Variants in SMYD3 observed in about 807,000 individuals in gnomAD.
SMYD3 encodes the protein SET and MYND domain containing 3.
In SMYD3, 36 loss-of-function variants were observed where a neutral mutation model predicts 57.7. The observed-to-expected ratio is 0.62, with a 90% CI of 0.48 to 0.82. The LOEUF (loss-of-function observed/expected upper bound fraction) is 0.82, where lower values mean the gene tolerates loss of function less well. Ranked by LOEUF, SMYD3 falls within the 40% of genes least tolerant of loss-of-function variation. The probability of loss-of-function intolerance (pLI) is 0.00; values close to 1 mark genes in which losing one functional copy is unlikely to be tolerated. For synonymous variants in SMYD3, 211 were observed against 195.0 expected (o/e 1.08, Z -0.68); for missense variants, 515 against 538.8 (o/e 0.96, Z 0.44).
chr1:245,928,151 A>G, intron 6 of SMYD3, 118 bp from the exon 7 acceptor site: 1 of 670,942 alleles, frequency 1.5e-6, no homozygotes, highest in Non-Finnish European at 2.6e-6. Flanking sequence ...TAGGGTTGAC[A>G]GGATGCCAGG....
At chr1:246,228,101 T>C (rs146801086) in intron 5 of SMYD3, among the ~76,000 whole-genome samples, 2,062 of 151,844 alleles carry the variant, frequency 0.014, 43 homozygotes, top group African/African-American at 0.046. Context: ...TCCCGAGTAG[T>C]TGGGATTACA....
chr1:245,972,572 T>C (rs1292032116), intron 5 of SMYD3, among the ~76,000 whole-genome samples: 1 of 152,362 alleles, frequency 6.6e-6, no homozygotes, highest in South Asian at 2.1e-4. Flanking sequence ...TGTTCTCCCT[T>C]GCTCCCAGGG....
chr1:245,983,131 C>T (rs142856861), intron 5 of SMYD3, among the ~76,000 whole-genome samples: 230 of 152,314 alleles, frequency 1.5e-3, no homozygotes, highest in Non-Finnish European at 3.0e-3. Context: ...TGAAGGTCTT[C>T]ACAGAGACAA....
At chr1:246,505,778 C>A (rs1435050930) in intron 1 of SMYD3, among the ~76,000 whole-genome samples, 1 of 152,182 alleles carries the variant, frequency 6.6e-6, no homozygotes, top group Non-Finnish European at 1.5e-5. Context: ...TGCACAATTC[C>A]GTGTGTCACA....
At chr1:245,947,163 C>T (rs536597839) in intron 5 of SMYD3, among the ~76,000 whole-genome samples, 1 of 152,138 alleles carries the variant, frequency 6.6e-6, no homozygotes, top group African/African-American at 2.4e-5. Context: ...TTCCACTCTC[C>T]CATTGTCTAA....
At chr1:246,293,617 A>G (rs144822878) in intron 5 of SMYD3, among the ~76,000 whole-genome samples, 1 of 152,318 alleles carries the variant, frequency 6.6e-6, no homozygotes, top group Non-Finnish European at 1.5e-5. Context: ...CGACAGTCTC[A>G]GAAGAAGAGC....
chr1:245,922,273 G>C (rs1255337707), intron 7 of SMYD3, among the ~76,000 whole-genome samples: 2 of 152,192 alleles, frequency 1.3e-5, no homozygotes, highest in African/African-American at 4.8e-5. Flanking sequence ...GCTCATTTCA[G>C]ACTTAAAGGT....
At chr1:246,239,588 T>C (rs1178733205) in intron 5 of SMYD3, among the ~76,000 whole-genome samples, 1 of 152,226 alleles carries the variant, frequency 6.6e-6, no homozygotes, top group Non-Finnish European at 1.5e-5. Context: ...TGATTTATAC[T>C]CCTTTGGGTA....
intron 5 of SMYD3, among the ~76,000 whole-genome samples, chr1:246,295,111 A>C (rs1276059226): frequency 1.3e-5 from 2 of 152,138 alleles, no homozygotes; most frequent in Non-Finnish European, 2.9e-5. Context: ...TTAAGGCAGG[A>C]ATTAGTATTC....
chr1:245,774,534 A>G (rs1381348960), intron 10 of SMYD3, among the ~76,000 whole-genome samples: 1 of 152,194 alleles, frequency 6.6e-6, no homozygotes, highest in Non-Finnish European at 1.5e-5. Context: ...TGATGATGAA[A>G]ATCTTCTGAA....
At chr1:246,299,191 T>C (rs1214824127) in intron 5 of SMYD3, among the ~76,000 whole-genome samples, 2 of 152,076 alleles carry the variant, frequency 1.3e-5, no homozygotes, top group Non-Finnish European at 2.9e-5. Context: ...TTCAATAGCG[T>C]ACTGGTTCAT....
At chr1:245,925,476 A>C (rs1256135973) in intron 7 of SMYD3, among the ~76,000 whole-genome samples, 1 of 152,130 alleles carries the variant, frequency 6.6e-6, no homozygotes, top group Non-Finnish European at 1.5e-5. Flanking sequence ...CTCTGCTCCA[A>C]GGGGTCAGTT....
chr1:246,393,895 G>A (rs182545393), intron 1 of SMYD3, among the ~76,000 whole-genome samples: 231 of 152,080 alleles, frequency 1.5e-3, no homozygotes, highest in African/African-American at 5.3e-3. Flanking sequence ...TTCTAACTCT[G>A]AACTACTTTC....
chr1:246,056,332 C>T (rs113070044), intron 5 of SMYD3, among the ~76,000 whole-genome samples: 4,399 of 152,050 alleles, frequency 0.029, 212 homozygotes, highest in African/African-American at 0.1. Context: ...AAGAAAAAAA[C>T]GGAGGGAGTG....
At chr1:246,042,034 C>CA (rs1045568503) in intron 5 of SMYD3, among the ~76,000 whole-genome samples, 1 of 152,114 alleles carries the variant, frequency 6.6e-6, no homozygotes, top group Non-Finnish European at 1.5e-5. Context: ...GCAATTTGTT[C>CA]AAGGTCTTAT....
chr1:246,046,835 G>T (rs2059975331), intron 5 of SMYD3, among the ~76,000 whole-genome samples: 1 of 151,146 alleles, frequency 6.6e-6, no homozygotes, highest in Non-Finnish European at 1.5e-5. Flanking sequence ...AATATACAAA[G>T]AAATCATTAG....
intron 1 of SMYD3, among the ~76,000 whole-genome samples, chr1:246,457,634 C>T (rs2067724351): frequency 6.6e-6 from 1 of 151,824 alleles, no homozygotes; most frequent in Non-Finnish European, 1.5e-5. Flanking sequence ...CCTTTCTCAA[C>T]TTGGCTGTAA....
intron 5 of SMYD3, among the ~76,000 whole-genome samples, chr1:246,180,759 CAAAAAAAAAAAAAAAAAAAAAAAA>C (rs61346746): frequency 1.4e-4 from 4 of 29,198 alleles, no homozygotes; most frequent in East Asian, 1.7e-3. Context: ...GACTCTGTCT[CAAAAAAAAAAAAAAAAAAAAAAAA>C]AAAAAAAAAA....
At chr1:246,026,845 A>G (rs2059583123) in intron 5 of SMYD3, among the ~76,000 whole-genome samples, 1 of 152,206 alleles carries the variant, frequency 6.6e-6, no homozygotes, top group Admixed American at 6.5e-5. Flanking sequence ...GTGATTCAAG[A>G]GCTAGAAATG....
Sources: gnomAD v4.1 joint callset for allele counts (sites outside exome capture counted in the v4.1 genomes callset) on GRCh38, gnomAD v4.1.1 for gene constraint, MANE v1.5 for transcripts, NCBI Gene and HGNC (gene_info 2026-07-23, HGNC 2026-07-21) for gene names.